Variants in LAMB3 observed in about 807,000 individuals in gnomAD.
The protein encoded by LAMB3 is laminin subunit beta 3.
Under a neutral mutation model 140.3 loss-of-function variants are expected in LAMB3, and 104 were observed. That is an observed-to-expected ratio of 0.74 (90% confidence interval 0.63 to 0.87). The LOEUF is 0.87. Among genes scored for constraint, LAMB3 ranks in the 40% least tolerant of loss-of-function variants. LAMB3 has a pLI of 0.00. For synonymous variants in LAMB3, 592 were observed against 602.9 expected (o/e 0.98, Z 0.26); for missense variants, 1,531 against 1,575.2 (o/e 0.97, Z 0.47).
chr1:209,619,694 T>C (rs1666118788), intron 18 of LAMB3, among the ~76,000 whole-genome samples: 1 of 152,194 alleles, frequency 6.6e-6, no homozygotes, highest in Non-Finnish European at 1.5e-5. Flanking sequence ...ATTGAGGTAT[T>C]AAGGAGGGGG....
intron 5 of LAMB3, 111 bp from the exon 6 acceptor site, chr1:209,634,749 G>A (rs1180852021): frequency 2.4e-6 from 2 of 844,342 alleles, no homozygotes. Flanking sequence ...GGGGCCCAGT[G>A]GGAGCAAGTG....
intron 3 of LAMB3, among the ~76,000 whole-genome samples, chr1:209,648,273 CACTT>C (rs1359213857): frequency 6.6e-6 from 1 of 152,196 alleles, no homozygotes; most frequent in Non-Finnish European, 1.5e-5. Context: ...ATCTAATACT[CACTT>C]ACAGAAAAGG....
chr1:209,649,819 C>T, intron 3 of LAMB3, 145 bp downstream of exon 3: 4 of 889,800 alleles, frequency 4.5e-6, no homozygotes, highest in Non-Finnish European at 7.3e-6. Flanking sequence ...AAGGATCTGG[C>T]CTTATACTTT....
chr1:209,618,607 G>A lies in LAMB3; in HGVS notation c.2754C>T (p.Ala918=), dbSNP rs557721715. The change falls in exon 19 of 23, where the codon GCC becomes GCT. Residue 918 remains alanine (A), a synonymous_variant. Transcript: ENST00000356082. ...TIQEVSEAVL[A]LWLPTDSATV... The stretch of plus-strand genomic sequence containing the variant: ...TAGCTGAGTCTGTGGGCAGCCACAG[G>A]GCCAGCACGGCCTCGCTGACCTCCT... 6.2e-7 allele frequency: 1 copy of A among 1,614,238 alleles called. No individual in the cohort carries two copies. The highest frequency in any genetic ancestry group is 1.1e-5 in the South Asian group (1 of 91,088).
Position 209,625,629 on chromosome 1 carries a change from G to T in LAMB3, c.1976+19C>A, listed in dbSNP as rs1406565740. The T allele has an allele frequency of 1.2e-6, 2 of 1,613,940 alleles. No homozygotes were observed. Among genetic ancestry groups the T allele is most frequent in the Non-Finnish European group, 1.7e-6 (2 of 1,179,916 alleles). On this transcript the variant is annotated intron_variant, in intron 14 of 22. Coordinates refer to ENST00000356082, the MANE Select transcript of LAMB3 (RefSeq NM_000228.3). The stretch of plus-strand genomic sequence containing the variant: ...TGGAGCATAATTCTTGCAAATGCTT[G>T]GCAGGGAAAGGGAATTACCTGAGGG...
chr1:209,616,192 TA>T (rs1365129844), intron 22 of LAMB3, among the ~76,000 whole-genome samples: 2 of 152,168 alleles, frequency 1.3e-5, no homozygotes, highest in African/African-American at 4.8e-5. Context: ...CTATGCATCT[TA>T]AGCATAAAGC....
chr1:209,649,024 C>T (rs2076541853), intron 3 of LAMB3, among the ~76,000 whole-genome samples: 1 of 152,108 alleles, frequency 6.6e-6, no homozygotes, highest in Non-Finnish European at 1.5e-5. Context: ...GATGCAAAAA[C>T]CACAGCCATC....
At chr1:209,618,807 G>T in intron 18 of LAMB3, 148 bp from the exon 19 acceptor site, 1 of 728,510 alleles carries the variant, frequency 1.4e-6, no homozygotes, top group Non-Finnish European at 2.4e-6. Context: ...CTTTCAACCA[G>T]ACTCAGGCGC....
rs548167997 is a variant in LAMB3 at position 209,639,660 on chromosome 1, C to T, written c.184-1012G>A. Among the ~76,000 whole-genome samples, 280 of 152,148 alleles carry T rather than the reference C, an allele frequency of 1.8e-3. 1 individual carries two copies. The South Asian group carries it at 0.025, about 14-fold the overall frequency. On this transcript the variant is annotated intron_variant, in intron 3 of 22. Transcript: ENST00000356082. ...ACACACACGCACACGCGTGCACATG[C>T]GCACACGCACACACACACACACAGA...
At chr1:209,616,841 C>A (rs1412869233) in intron 21 of LAMB3, among the ~76,000 whole-genome samples, 1 of 152,194 alleles carries the variant, frequency 6.6e-6, no homozygotes, top group Non-Finnish European at 1.5e-5. Flanking sequence ...CTTGACATGA[C>A]CCACCTCACT....
chr1:209,641,649 G>A (rs944402142), intron 3 of LAMB3, among the ~76,000 whole-genome samples: 1 of 152,208 alleles, frequency 6.6e-6, no homozygotes, highest in Non-Finnish European at 1.5e-5. Flanking sequence ...TTATCACAGG[G>A]AAGGCTAAGG....
rs780840750 is a variant in LAMB3 at position 209,623,656 on chromosome 1, G to A, written c.2207C>T (p.Ser736Leu). Residue 736 changes from serine to leucine, a missense_variant, in exon 16 of 23, where the codon TCG becomes TTG. Ser to Leu is a moderately radical substitution (Grantham distance 145). Transcript: ENST00000356082. This position sits in a 1 kb window ranked among gnomAD's most constrained non-coding sequence, Gnocchi z 4.2. Reference sequence around the variant, plus strand: ...GTCCCTGAGCTGGTCCAAAAGGCGCGAGCTGTCGGAGACCTGCTGAGCAGC... The same window carrying A: ...GTCCCTGAGCTGGTCCAAAAGGCGCAAGCTGTCGGAGACCTGCTGAGCAGC... ...AQAAQQVSDS[S>L]RLLDQLRDSR... 20 of 1,614,190 alleles carry A rather than the reference G, an allele frequency of 1.2e-5. 1 individual carries two copies. In the Middle Eastern group the frequency reaches 4.9e-4, roughly 40 times the overall value.
Position 209,623,965 on chromosome 1 carries a change from A to C in LAMB3, c.2012T>G (p.Leu671Arg), listed in dbSNP as rs1219519204. 6.2e-7 allele frequency: 1 copy of C among 1,614,076 alleles called. No individual in the cohort carries two copies. ...CGGAAGGGACAACGTCTCCTCCTCC[A>C]GGGGCAGATCCAGCTGCAGGCCCTG... Reference protein sequence around the residue: ...TLQGLQLDLPLEEETLSLPRD... With the variant: ...TLQGLQLDLPREEETLSLPRD... The change falls in exon 15 of 23, where the codon CTG becomes CGG. Residue 671 changes from leucine to arginine, a missense_variant. Leu to Arg is a moderately radical substitution (Grantham distance 102). Coordinates refer to ENST00000356082, the MANE Select transcript of LAMB3 (RefSeq NM_000228.3). This position sits in a 1 kb window ranked among gnomAD's most constrained non-coding sequence, Gnocchi z 4.2.
intron 4 of LAMB3, 115 bp downstream of exon 4, chr1:209,638,419 T>C (rs1666962258): frequency 2.7e-6 from 2 of 748,124 alleles, no homozygotes; most frequent in Non-Finnish European, 4.9e-6. Flanking sequence ...CAATCACCCA[T>C]GTCACACCAC....
At chr1:209,648,788 A>T (rs561394655) in intron 3 of LAMB3, among the ~76,000 whole-genome samples, 53 of 152,178 alleles carry the variant, frequency 3.5e-4, no homozygotes, top group African/African-American at 1.3e-3. Flanking sequence ...AAATTTTTAG[A>T]TATGGGCTCA....
intron 5 of LAMB3, among the ~76,000 whole-genome samples, chr1:209,635,313 G>A (rs1026693821): frequency 2.0e-5 from 3 of 152,176 alleles, no homozygotes; most frequent in Non-Finnish European, 4.4e-5. Flanking sequence ...GTCCCCTCCT[G>A]CCTGATCTCC....
chr1:209,615,159 A>G lies in LAMB3; in HGVS notation c.*112T>C. ...ACACACCAGGGGTGGTCCAGGCTGT[A>G]CTTTAGGCTGCATGAAAGTCTCCTG... On this transcript the variant is annotated 3_prime_UTR_variant, in exon 23 of 23. Coordinates refer to ENST00000356082, the MANE Select transcript of LAMB3 (RefSeq NM_000228.3). The G allele has an allele frequency of 7.1e-7, 1 of 1,414,472 alleles. No individual in the cohort carries two copies. Among genetic ancestry groups the G allele is most frequent in the Non-Finnish European group, 9.9e-7 (1 of 1,014,000 alleles). 87.6% of individuals were successfully genotyped at this position (1,414,472 alleles called of 1,614,324 possible).
chr1:209,635,264 A>G (rs1295149790), intron 5 of LAMB3, among the ~76,000 whole-genome samples: 2 of 152,152 alleles, frequency 1.3e-5, no homozygotes, highest in Admixed American at 6.5e-5. Context: ...TCCAAAGCAG[A>G]TACTGAACCA....
At chr1:209,620,931 C>G (rs1666166931) in intron 18 of LAMB3, among the ~76,000 whole-genome samples, 1 of 152,300 alleles carries the variant, frequency 6.6e-6, no homozygotes, top group African/African-American at 2.4e-5. Flanking sequence ...GCTTCTGCAC[C>G]AGGACTCTGG....
Sources: allele counts gnomAD v4.1 joint callset (sites outside exome capture counted in the v4.1 genomes callset), GRCh38; gene constraint gnomAD v4.1.1; non-coding constraint Gnocchi (gnomAD v3.1); transcripts MANE v1.5; gene names NCBI Gene and HGNC (gene_info 2026-07-23, HGNC 2026-07-21).